Variants in CYP11B1 observed in about 807,000 individuals in gnomAD.
CYP11B1 encodes cytochrome P450 family 11 subfamily B member 1, also known as cytochrome P450 11B1, mitochondrial.
A neutral mutation model predicts 48.3 loss-of-function variants in CYP11B1; 34 were observed. The ratio of observed to expected loss-of-function variants is 0.70; its 90% confidence interval spans 0.54 to 0.94. The LOEUF (loss-of-function observed/expected upper bound fraction) is 0.94, where lower values mean the gene tolerates loss of function less well. Among genes scored for constraint, CYP11B1 ranks in the 40% least tolerant of loss-of-function variants. The pLI is 0.00. For missense variants in CYP11B1, 688 were observed against 657.4 expected, an observed-to-expected ratio of 1.05 and a Z score of -0.51; for synonymous variants, 291 against 262.5, an observed-to-expected ratio of 1.11 and a Z score of -1.05.
At chr8:142,879,310 T>C (rs1229830484) in intron 1 of CYP11B1, 123 bp from the exon 2 acceptor site, 1 of 1,606,308 alleles carries the variant, frequency 6.2e-7, no homozygotes, top group Non-Finnish European at 8.5e-7. Context: ...GCTTCACAGC[T>C]AAAGCCCTCT....
intron 1 of CYP11B1, 150 bp downstream of exon 1, chr8:142,879,425 G>A (rs777943199): frequency 1.9e-6 from 3 of 1,613,328 alleles, no homozygotes; most frequent in Non-Finnish European, 2.5e-6. Context: ...CAGCGCCACA[G>A]ACCAGCACGT....
intron 8 of CYP11B1, among the ~76,000 whole-genome samples, 155 bp from the exon 9 acceptor site, chr8:142,874,641 C>T (rs1053505842): frequency 2.0e-5 from 3 of 152,126 alleles, no homozygotes; most frequent in African/African-American, 7.2e-5. Context: ...CACCTTACAG[C>T]CCAGGCCCAG....
chr8:142,876,752 G>T lies in CYP11B1; in HGVS notation c.729C>A (p.Ser243Arg), dbSNP rs747020229. 3 of 1,614,092 alleles carry T rather than the reference G, an allele frequency of 1.9e-6. No individual in the cohort carries two copies. Among genetic ancestry groups the T allele is most frequent in the Non-Finnish European group, 2.5e-6 (3 of 1,180,012 alleles). ...STVQLMFMPR[S>R]LSRWTSPKVW... is the part of the protein sequence containing the mutation. ...CCTTGGGGCTGGTCCAGCGAGACAG[G>T]CTCCTGGGCATGAACATGAGCTGGA... The change falls in exon 4 of 9, where the codon AGC becomes AGA. Residue 243 changes from serine to arginine, a missense_variant. Transcript: ENST00000292427.
chr8:142,876,881 G>A lies in CYP11B1; in HGVS notation c.600C>T (p.Ser200=), dbSNP rs764831965. The change falls in exon 4 of 9, where the codon AGC becomes AGT. Residue 200 remains serine, a synonymous_variant. Transcript: ENST00000292427. ...GCCGCTCTCCAAAAAGAGCCAAGTT[G>A]CTGGCTGCGGGGAGGATGCACTGCT... The part of the protein sequence containing the change: ...PSIFHYTIEA[S]NLALFGERLG... The A allele has an allele frequency of 6.2e-7, 1 of 1,614,176 alleles. No individual in the cohort carries two copies. Among genetic ancestry groups the A allele is most frequent in the Non-Finnish European group, 8.5e-7 (1 of 1,180,034 alleles).
chr8:142,877,431 A>G (rs1219518723), intron 2 of CYP11B1, among the ~76,000 whole-genome samples: 1 of 152,210 alleles, frequency 6.6e-6, no homozygotes, highest in Non-Finnish European at 1.5e-5. Flanking sequence ...CTAAGCAGGG[A>G]TGAGATGGTA....
chr8:142,878,118 C>T lies in CYP11B1; in HGVS notation c.396-896G>A, dbSNP rs1390604506. On this transcript the variant is annotated intron_variant, in intron 2 of 8. Coordinates refer to ENST00000292427, the MANE Select transcript of CYP11B1 (RefSeq NM_000497.4). The stretch of plus-strand genomic sequence containing the variant: ...GCAAATGCAGGTACAGAGAAACACA[C>T]AGCATGTGCACAGATGCAAGACGCA... Among the ~76,000 whole-genome samples the T allele has an allele frequency of 2.6e-5, 4 of 152,296 alleles. No homozygotes were observed. In the East Asian group the frequency reaches 7.7e-4, roughly 29 times the overall value.
Position 142,879,137 on chromosome 8 carries a change from A to G in CYP11B1, c.290T>C (p.Val97Ala). ...GMVCVMLPEDVEKLQQVDSLH... is the reference protein window; with the variant it reads ...GMVCVMLPEDAEKLQQVDSLH... The stretch of plus-strand genomic sequence containing the variant: ...GCTGTCCACCTGTTGCAGCTTCTCC[A>G]CGTCCTCCGGCAGCATCACACACAC... Residue 97 changes from valine to alanine, a missense_variant, in exon 2 of 9, where the codon GTG becomes GCG. By Grantham distance (64) the Val-to-Ala change is moderately conservative. Coordinates refer to ENST00000292427, the MANE Select transcript of CYP11B1 (RefSeq NM_000497.4). 1.9e-6 allele frequency: 3 copies of G among 1,613,936 alleles called. No individual in the cohort carries two copies. The highest frequency in any genetic ancestry group is 2.5e-6 in the Non-Finnish European group (3 of 1,179,974).
At position 142,874,028 on chromosome 8, in the gene CYP11B1, G is replaced by T. The variant is rs368195405; in HGVS notation, c.*345C>A. The T allele has an allele frequency of 6.4e-5, 25 of 391,508 alleles. No individual in the cohort carries two copies. Among genetic ancestry groups the T allele is most frequent in the Admixed American group, 2.5e-4 (7 of 27,716 alleles). The allele number at this position is 391,508 out of a possible 1,614,324, so 24.3% of individuals were successfully genotyped here. On this transcript the variant is annotated 3_prime_UTR_variant, in exon 9 of 9. Coordinates refer to ENST00000292427, the MANE Select transcript of CYP11B1 (RefSeq NM_000497.4). ...GGGACATGTGAGACTAGGCAGGAAG[G>T]CAAGGGACAAAACCACAGCACCCTT... is the stretch of plus-strand genomic sequence containing the variant.
chr8:142,878,496 C>A (rs1433908089), intron 2 of CYP11B1, among the ~76,000 whole-genome samples: 1 of 152,262 alleles, frequency 6.6e-6, no homozygotes, highest in East Asian at 1.9e-4. Flanking sequence ...AACCGCCCCA[C>A]CTCGTGCCTT....
intron 5 of CYP11B1, 27 bp from the exon 6 acceptor site, chr8:142,875,905 G>C: frequency 1.2e-6 from 2 of 1,613,886 alleles, no homozygotes; most frequent in Non-Finnish European, 1.7e-6. Context: ...TGCAGGGTCA[G>C]ACCTTGCACA....
In CYP11B1 at chr8:142,876,395, C is replaced by T; in HGVS notation, c.800G>A (p.Gly267Asp). The T allele has an allele frequency of 1.9e-6, 3 of 1,613,422 alleles. No homozygotes were observed. The highest frequency in any genetic ancestry group is 2.5e-6 in the Non-Finnish European group (3 of 1,179,682). Residue 267 changes from glycine to aspartate, a missense_variant and splice_region_variant, in exon 5 of 9, where the codon GGC becomes GAC. By Grantham distance (94) the Gly-to-Asp change is moderately conservative. Transcript: ENST00000292427. The stretch of plus-strand genomic sequence containing the variant: ...ATAGATTTTCTGGATACAGTTGTCG[C>T]CTATCCGGGGAGCGGGAGGCAGCCC... ...FEAWDCIFQY[G>D]DNCIQKIYQE...
intron 2 of CYP11B1, among the ~76,000 whole-genome samples, chr8:142,878,312 T>C (rs1586560693): frequency 1.3e-5 from 2 of 152,224 alleles, no homozygotes; most frequent in South Asian, 4.1e-4. Context: ...AAAAGCGTTC[T>C]CCTCCTGCCA....
intron 5 of CYP11B1, 33 bp downstream of exon 5, chr8:142,876,208 C>A: frequency 4.3e-6 from 7 of 1,613,946 alleles, no homozygotes; most frequent in Non-Finnish European, 5.9e-6. Flanking sequence ...CTTGGCATCA[C>A]CCTCTCTGGG....
intron 1 of CYP11B1, 186 bp from the exon 2 acceptor site, chr8:142,879,373 T>G (rs1380805199): frequency 1.9e-6 from 3 of 1,609,436 alleles, no homozygotes; most frequent in Non-Finnish European, 2.5e-6. Flanking sequence ...CTGCCCTCTC[T>G]GCAGCGAGCT....
In CYP11B1 at chr8:142,876,731, G is replaced by C. The variant is rs1337824297; in HGVS notation, c.750C>G (p.Pro250=). ...MPRSLSRWTS[P]KVWKEHFEAW... is the part of the protein sequence containing the mutation. Reference sequence around the variant, plus strand: ...CCTCAAAGTGCTCCTTCCACACCTTGGGGCTGGTCCAGCGAGACAGGCTCC... The same window carrying C: ...CCTCAAAGTGCTCCTTCCACACCTTCGGGCTGGTCCAGCGAGACAGGCTCC... The change falls in exon 4 of 9, where the codon CCC becomes CCG. Residue 250 remains proline, a synonymous_variant. Coordinates refer to ENST00000292427, the MANE Select transcript of CYP11B1 (RefSeq NM_000497.4). 1 of 1,613,984 alleles carries C rather than the reference G, an allele frequency of 6.2e-7. No individual in the cohort carries two copies. The highest frequency in any genetic ancestry group is 8.5e-7 in the Non-Finnish European group (1 of 1,179,968).
At chr8:142,875,982 C>A in intron 5 of CYP11B1, 104 bp from the exon 6 acceptor site, 1 of 1,435,458 alleles carries the variant, frequency 7.0e-7, no homozygotes, top group Non-Finnish European at 9.8e-7. Context: ...GACATGCATA[C>A]CCTGAGAACG....
chr8:142,874,607 A>G, intron 8 of CYP11B1, 121 bp from the exon 9 acceptor site: 10 of 777,464 alleles, frequency 1.3e-5, no homozygotes, highest in South Asian at 1.3e-4. Context: ...CTGGCCTCCA[A>G]CCTGTTTCAT....
At chr8:142,877,864 A>G (rs1177169968) in intron 2 of CYP11B1, 2 of 1,575,078 alleles carry the variant, frequency 1.3e-6, no homozygotes, top group South Asian at 2.3e-5. Flanking sequence ...ATTTATGTCC[A>G]GCTGGCTGTT....
At chr8:142,874,919 AC>A in intron 8 of CYP11B1, 37 bp downstream of exon 8, 1 of 1,608,396 alleles carries the variant, frequency 6.2e-7, no homozygotes, top group Non-Finnish European at 8.5e-7. Flanking sequence ...TGCTGCCCAG[AC>A]CCCGCCCAGG....
Sources: gnomAD v4.1 joint callset for allele counts (sites outside exome capture counted in the v4.1 genomes callset) on GRCh38, gnomAD v4.1.1 for gene constraint, MANE v1.5 for transcripts, NCBI Gene and HGNC (gene_info 2026-07-23, HGNC 2026-07-21) for gene names.